MAGI1: variants seen among roughly 807,000 people sequenced by gnomAD.
MAGI1 encodes the protein membrane-associated guanylate kinase, WW and PDZ domain-containing protein 1.
A neutral mutation model predicts 139.9 loss-of-function variants in MAGI1; 58 were observed. That is an observed-to-expected ratio of 0.41 (90% CI 0.34 to 0.52). MAGI1 has a LOEUF of 0.52. MAGI1 is among the 20% of genes least tolerant of loss of function. The probability of loss-of-function intolerance (pLI) is 0.12; values close to 1 mark genes in which losing one functional copy is unlikely to be tolerated. For missense variants in MAGI1, 1,874 were observed against 1,901.6 expected, an observed-to-expected ratio of 0.99 and a Z score of 0.27; for synonymous variants, 812 against 737.9, an observed-to-expected ratio of 1.10 and a Z score of -1.63.
intron 1 of MAGI1, among the ~76,000 whole-genome samples, chr3:65,869,601 T>C (rs894402417): frequency 7.9e-5 from 12 of 151,874 alleles, no homozygotes; most frequent in East Asian, 3.9e-4. Context: ...AGGGTTTCAC[T>C]GTGTTAGCCA....
intron 1 of MAGI1, among the ~76,000 whole-genome samples, chr3:65,980,415 T>A (rs952130092): frequency 4.0e-5 from 6 of 151,650 alleles, no homozygotes; most frequent in African/African-American, 1.5e-4. Flanking sequence ...ATACAAAAAT[T>A]AGCCACACAT....
At chr3:65,682,924 G>C (rs1003976479) in intron 1 of MAGI1, among the ~76,000 whole-genome samples, 2 of 152,070 alleles carry the variant, frequency 1.3e-5, no homozygotes, top group Admixed American at 6.6e-5. Flanking sequence ...GATGGGGACG[G>C]GGAAGGGGAT....
chr3:65,982,903 TA>T (rs1438004000), intron 1 of MAGI1, among the ~76,000 whole-genome samples: 1 of 152,120 alleles, frequency 6.6e-6, no homozygotes, highest in African/African-American at 2.4e-5. Flanking sequence ...TTCTTAACAG[TA>T]AGGAAAATGA....
At chr3:65,461,574 C>T (rs1163222155) in intron 5 of MAGI1, among the ~76,000 whole-genome samples, 2 of 151,174 alleles carry the variant, frequency 1.3e-5, no homozygotes, top group African/African-American at 4.9e-5. Context: ...CTGCAAGCTC[C>T]GCCTCCCGGG....
intron 1 of MAGI1, among the ~76,000 whole-genome samples, chr3:65,690,723 A>AGCCTCCCAATGTGCTGGGATTACAG (rs1553691944): frequency 7.5e-6 from 1 of 133,326 alleles, no homozygotes; most frequent in African/African-American, 3.1e-5. Context: ...CAAGTGATCC[A>AGCCTCCCAATGTGCTGGGATTACAG]CCTCCCAATG....
chr3:65,891,885 AATATATATATATATATATATATATATAT>A (rs55826911), intron 1 of MAGI1, among the ~76,000 whole-genome samples: 548 of 37,546 alleles, frequency 0.015, 28 homozygotes, highest in Middle Eastern at 0.037. Context: ...CTTAAAGTAT[AATATATATATATATATATATATATATAT>A]ATATATATAT....
intron 1 of MAGI1, among the ~76,000 whole-genome samples, chr3:65,869,561 C>T (rs569975085): frequency 4.6e-5 from 7 of 151,778 alleles, no homozygotes; most frequent in East Asian, 4.0e-4. Context: ...CCACCACACC[C>T]GGCTAATTTT....
chr3:66,030,388 A>G (rs1478322865), intron 1 of MAGI1, among the ~76,000 whole-genome samples: 1 of 152,178 alleles, frequency 6.6e-6, no homozygotes, highest in Non-Finnish European at 1.5e-5. Context: ...ATACCCAAGC[A>G]AGTACTAGGC....
rs576116835 is a variant in MAGI1 at position 65,820,821 on chromosome 3, C to T, written c.314-198733G>A. ...GAACCCTGTGTTAGTACCATAGCAA[C>T]TAACTGTTCCAGGTCAATATCATCC... On this transcript the variant is annotated intron_variant, in intron 1 of 22. Coordinates refer to ENST00000402939, the MANE Select transcript of MAGI1 (RefSeq NM_001033057.2). Among the ~76,000 whole-genome samples, 3 of 152,222 alleles carry T rather than the reference C, an allele frequency of 2.0e-5. No homozygotes were observed. The South Asian group carries it at 6.2e-4, about 32-fold the overall frequency.
intron 3 of MAGI1, among the ~76,000 whole-genome samples, chr3:65,486,688 T>C (rs1301330550): frequency 6.6e-6 from 1 of 152,194 alleles, no homozygotes. Context: ...CAGAGATCAA[T>C]GACAAACTCT....
intron 2 of MAGI1, among the ~76,000 whole-genome samples, chr3:65,516,082 A>G (rs1318243191): frequency 6.6e-6 from 1 of 152,186 alleles, no homozygotes; most frequent in East Asian, 1.9e-4. Flanking sequence ...GCACACACTG[A>G]TAGTCCCAGC....
At chr3:65,593,129 G>A (rs2082040283) in intron 2 of MAGI1, among the ~76,000 whole-genome samples, 1 of 151,828 alleles carries the variant, frequency 6.6e-6, no homozygotes, top group Non-Finnish European at 1.5e-5. Flanking sequence ...ATAAACTGGA[G>A]TGTTAAGCCT....
intron 1 of MAGI1, among the ~76,000 whole-genome samples, chr3:65,811,292 T>C (rs2041218261): frequency 6.6e-6 from 1 of 152,222 alleles, no homozygotes. Context: ...CTATATTCAC[T>C]GACATTCCCC....
At chr3:65,723,274 T>C (rs982448522) in intron 1 of MAGI1, among the ~76,000 whole-genome samples, 2 of 152,308 alleles carry the variant, frequency 1.3e-5, no homozygotes, top group East Asian at 3.9e-4. Flanking sequence ...AAGCATCTTG[T>C]GTCTACAAGA....
intron 10 of MAGI1, among the ~76,000 whole-genome samples, chr3:65,432,133 T>C (rs1947502017): frequency 6.6e-6 from 1 of 152,194 alleles, no homozygotes; most frequent in Non-Finnish European, 1.5e-5. Flanking sequence ...CGTTTTCTTT[T>C]GGGTTTTACT....
At chr3:65,496,674 T>A (rs1010831771) in intron 2 of MAGI1, among the ~76,000 whole-genome samples, 3 of 152,156 alleles carry the variant, frequency 2.0e-5, no homozygotes, top group African/African-American at 7.2e-5. Context: ...ACAGAGAGCA[T>A]CAGGGGGATG....
chr3:65,995,665 C>T (rs979392504), intron 1 of MAGI1, among the ~76,000 whole-genome samples: 7 of 152,110 alleles, frequency 4.6e-5, no homozygotes, highest in African/African-American at 1.7e-4. Context: ...ATTCCTGAAG[C>T]AGCAAATTTA....
At chr3:65,976,587 C>T (rs1468931289) in intron 1 of MAGI1, among the ~76,000 whole-genome samples, 1 of 152,146 alleles carries the variant, frequency 6.6e-6, no homozygotes, top group Non-Finnish European at 1.5e-5. Context: ...GCCAAGATGG[C>T]ACCACTGCAC....
chr3:65,833,786 G>C (rs1037386999), intron 1 of MAGI1, among the ~76,000 whole-genome samples: 1 of 152,156 alleles, frequency 6.6e-6, no homozygotes, highest in African/African-American at 2.4e-5. Flanking sequence ...TGAGCTCCCA[G>C]AAAAGTTTCC....
Sources: allele counts gnomAD v4.1 joint callset (sites outside exome capture counted in the v4.1 genomes callset), GRCh38; gene constraint gnomAD v4.1.1; transcripts MANE v1.5; gene names NCBI Gene and HGNC (gene_info 2026-07-23, HGNC 2026-07-21).